Variants in TRPV1 observed in about 807,000 individuals in gnomAD.
TRPV1 encodes OTRPC1.
In TRPV1, 82 loss-of-function variants were observed where a neutral mutation model predicts 82.3. The ratio of observed to expected loss-of-function variants is 1.00; its 90% CI spans 0.83 to 1.20. The LOEUF (loss-of-function observed/expected upper bound fraction) is 1.20. Among genes scored for constraint, TRPV1 ranks in the 50% most tolerant of loss-of-function variants. TRPV1 has a pLI of 0.00. For missense variants in TRPV1, 1,067 were observed against 1,096.8 expected, an observed-to-expected ratio of 0.97 and a Z score of 0.38; for synonymous variants, 515 against 467.7, an observed-to-expected ratio of 1.10 and a Z score of -1.30.
chr17:3,596,336 C>T (rs1465588902), intron 2 of TRPV1, among the ~76,000 whole-genome samples: 1 of 152,160 alleles, frequency 6.6e-6, no homozygotes, highest in Admixed American at 6.5e-5. Flanking sequence ...CTTGGGAGCA[C>T]CTCCCGCTCG....
Position 3,572,225 on chromosome 17 carries a change from C to T in TRPV1, c.2128G>A (p.Glu710Lys), listed in dbSNP as rs913900089. ...CTCATGCACTTAAGGAAGCTCTTCT[C>T]CGTGTCCAGGATGGTGATGGCTCTC... Reference protein sequence around the residue: ...LQRAITILDTEKSFLKCMRKA... With the variant: ...LQRAITILDTKKSFLKCMRKA... The change falls in exon 15 of 17, where the codon GAG (glutamate) becomes AAG (lysine). Residue 710 changes from glutamate (E) to lysine (K), a missense_variant. Physicochemically the swap from Glu to Lys is moderately conservative, Grantham distance 56. Coordinates refer to ENST00000572705, the MANE Select transcript of TRPV1 (RefSeq NM_080704.4). 1 of 1,610,396 alleles carries T rather than the reference C, an allele frequency of 6.2e-7. No homozygotes were observed. Among genetic ancestry groups the T allele is most frequent in the Admixed American group, 1.7e-5 (1 of 59,480 alleles).
chr17:3,583,513 C>T (rs764341022), intron 9 of TRPV1, 83 bp from the exon 10 acceptor site: 1 of 1,167,530 alleles, frequency 8.6e-7, no homozygotes, highest in East Asian at 2.6e-5. Flanking sequence ...AAGCCATAGT[C>T]CCTGCCCAGG....
At chr17:3,591,500 C>T in intron 3 of TRPV1, 147 bp from the exon 4 acceptor site, 2 of 956,224 alleles carry the variant, frequency 2.1e-6, no homozygotes, top group Non-Finnish European at 3.0e-6. Flanking sequence ...GTCTAGGTGA[C>T]TGTCCAGAAA....
At chr17:3,608,989 T>G (rs1446843577) in intron 1 of TRPV1, 2 of 152,426 alleles carry the variant, frequency 1.3e-5, no homozygotes, top group East Asian at 3.9e-4. Context: ...CCTCCCGAGT[T>G]CAAGTGATTT....
chr17:3,587,538 G>A (rs996388463), intron 8 of TRPV1, among the ~76,000 whole-genome samples: 1 of 152,146 alleles, frequency 6.6e-6, no homozygotes, highest in Non-Finnish European at 1.5e-5. Flanking sequence ...TAAGTTCTTG[G>A]CCTGGCGCAG....
Position 3,588,314 on chromosome 17 carries a change from C to T in TRPV1, c.1098G>A (p.Leu366=). 1.3e-6 allele frequency: 2 copies of T among 1,569,748 alleles called. No homozygotes were observed. Among genetic ancestry groups the T allele is most frequent in the Middle Eastern group, 1.7e-4 (1 of 6,004 alleles). ...AGGCCCACTCGGTGAACTTCCTGGA[C>T]AGGTGCCTGCACTCGGGCTCCTGGA... is the stretch of plus-strand genomic sequence containing the variant. ...REIQEPECRH[L]SRKFTEWAYG... is the part of the protein sequence containing the mutation. The change falls in exon 8 of 17, where the codon CTG becomes CTA. Residue 366 remains leucine (L), a synonymous_variant. Transcript: ENST00000572705.
chr17:3,571,067 CCTCTT>C (rs2074845794), intron 16 of TRPV1, among the ~76,000 whole-genome samples: 1 of 152,208 alleles, frequency 6.6e-6, no homozygotes, highest in African/African-American at 2.4e-5. Context: ...CTCACCCTCC[CCTCTT>C]CTCCACCTGC....
chr17:3,600,846 G>A (rs990901484), intron 2 of TRPV1, among the ~76,000 whole-genome samples: 18 of 152,034 alleles, frequency 1.2e-4, no homozygotes, highest in African/African-American at 3.6e-4. Flanking sequence ...CAAGGACCCC[G>A]TCCGCAGCCT....
intron 2 of TRPV1, among the ~76,000 whole-genome samples, chr17:3,593,270 A>G (rs991534013): frequency 2.0e-5 from 3 of 152,112 alleles, no homozygotes; most frequent in African/African-American, 7.2e-5. Flanking sequence ...GGCGCCCGCC[A>G]CCATGCGTGG....
chr17:3,591,919 C>A (rs1358996505), intron 3 of TRPV1, 148 bp downstream of exon 3: 4 of 1,204,328 alleles, frequency 3.3e-6, no homozygotes, highest in Non-Finnish European at 4.5e-6. Context: ...CACGAGGTCA[C>A]ATGAGGAAGG....
rs141444742 is a variant in TRPV1 at position 3,592,782 on chromosome 17, T to C, written c.-33-399A>G. On this transcript the variant is annotated intron_variant, in intron 2 of 16. Coordinates refer to ENST00000572705, the MANE Select transcript of TRPV1 (RefSeq NM_080704.4). ...GAACAAGGAAAACGGCCGGGGTGGC[T>C]GTCGTGGGCTGAATTCAGGGAGGAT... The C allele has an allele frequency of 1.3e-4, 23 of 172,972 alleles. 1 individual carries two copies. The highest frequency in any genetic ancestry group is 2.8e-3 in the Middle Eastern group (1 of 360). 10.7% of individuals were successfully genotyped at this position (172,972 alleles called of 1,614,324 possible).
At chr17:3,607,538 A>ATT (rs71379522) in intron 2 of TRPV1, among the ~76,000 whole-genome samples, 1 of 140,810 alleles carries the variant, frequency 7.1e-6, no homozygotes. Context: ...AAGTAGAACA[A>ATT]TTTTTTTTTT....
intron 2 of TRPV1, among the ~76,000 whole-genome samples, chr17:3,595,162 G>A (rs991640464): frequency 2.6e-5 from 4 of 152,168 alleles, no homozygotes; most frequent in Non-Finnish European, 4.4e-5. Context: ...TCGTTGATGC[G>A]TCTGAGCACG....
At chr17:3,574,687 G>A (rs904286025) in intron 13 of TRPV1, among the ~76,000 whole-genome samples, 5 of 152,164 alleles carry the variant, frequency 3.3e-5, no homozygotes, top group Admixed American at 1.3e-4. Context: ...GGTGGCTCAC[G>A]CCTGTAATCC....
rs1304700633 is a variant in TRPV1 at position 3,608,413 on chromosome 17, A to G, written c.-34+14T>C. On this transcript the variant is annotated intron_variant, in intron 2 of 16. Coordinates refer to ENST00000572705, the MANE Select transcript of TRPV1 (RefSeq NM_080704.4). ...TGGTGCTTTGGGGCCCTAATGAAGT[A>G]AAAAAAGACTGACCTGAACAGAAGC... is the stretch of plus-strand genomic sequence containing the variant. The G allele has an allele frequency of 6.6e-6, 1 of 152,004 alleles. No individual in the cohort carries two copies. The highest frequency in any genetic ancestry group is 1.5e-5 in the Non-Finnish European group (1 of 67,998). 9.4% of individuals were successfully genotyped at this position (152,004 alleles called of 1,614,324 possible). A position where few individuals can be genotyped will look rare whatever the true frequency, so the allele number is the denominator to read the frequency against.
chr17:3,572,405 G>C (rs1319051842), intron 14 of TRPV1, among the ~76,000 whole-genome samples, 156 bp from the exon 15 acceptor site: 2 of 152,332 alleles, frequency 1.3e-5, no homozygotes, highest in East Asian at 3.9e-4. Flanking sequence ...TGTTTCTGTA[G>C]CCTGGCGGGG....
At position 3,585,767 on chromosome 17, in the gene TRPV1, C is replaced by A. The variant is rs767645255; in HGVS notation, c.1383+1G>T. ...CACGAGGCCTGAGCCTCTGGCCGCACCAAGCCATCCACGGGCCTGTAGTAG... is the reference window on the plus strand; with the variant it reads ...CACGAGGCCTGAGCCTCTGGCCGCAACAAGCCATCCACGGGCCTGTAGTAG... On this transcript the variant is annotated splice_donor_variant, in intron 9 of 16. Transcript: ENST00000572705. LOFTEE classifies it high-confidence loss of function. 5 of 1,612,660 alleles carry A rather than the reference C, an allele frequency of 3.1e-6. No homozygotes were observed. In the Admixed American group the frequency reaches 6.7e-5, roughly 22 times the overall value.
Position 3,590,059 on chromosome 17 carries a change from G to A in TRPV1, c.792C>T (p.Ile264=), listed in dbSNP as rs753718104. The change falls in exon 7 of 17, where the codon ATC becomes ATT. Residue 264 remains isoleucine (I), a synonymous_variant. Transcript: ENST00000572705. ...AGGAGTTCTGCAGCAGGAACTTCAC[G>A]ATGCCCAGCTGGTTGGTGCACGCGG... ...SLAACTNQLG[I]VKFLLQNSWQ... The A allele has an allele frequency of 1.9e-6, 3 of 1,598,922 alleles. No individual in the cohort carries two copies. The highest frequency in any genetic ancestry group is 2.3e-5 in the East Asian group (1 of 44,060).
At chr17:3,599,366 GCATCATC>G (rs2075245196) in intron 2 of TRPV1, among the ~76,000 whole-genome samples, 1 of 152,106 alleles carries the variant, frequency 6.6e-6, no homozygotes, top group Non-Finnish European at 1.5e-5. Context: ...ACAACCATCA[GCATCATC>G]CATGCACAGA....
Sources: allele counts gnomAD v4.1 joint callset (sites outside exome capture counted in the v4.1 genomes callset), GRCh38; gene constraint gnomAD v4.1.1; transcripts MANE v1.5; gene names NCBI Gene and HGNC (gene_info 2026-07-23, HGNC 2026-07-21).